The following KCNIP1 variants were observed in gnomAD, a reference collection of about 807,000 sequenced individuals.
The protein encoded by KCNIP1 is potassium voltage-gated channel interacting protein 1.
In KCNIP1, 18 loss-of-function variants were observed where a neutral mutation model predicts 33.0. The observed-to-expected ratio is 0.55, with a 90% CI of 0.38 to 0.81. The LOEUF (loss-of-function observed/expected upper bound fraction) is 0.81. Among genes scored for constraint, KCNIP1 ranks in the 30% least tolerant of loss-of-function variants. The probability of loss-of-function intolerance (pLI) is 0.00; values close to 1 mark genes in which losing one functional copy is unlikely to be tolerated. For missense variants in KCNIP1, 238 were observed against 271.6 expected (o/e 0.88, Z 0.87); for synonymous variants, 93 against 98.3 (o/e 0.95, Z 0.32).
At chr5:170,418,567 C>G (rs1755393973) in intron 1 of KCNIP1, among the ~76,000 whole-genome samples, 1 of 152,302 alleles carries the variant, frequency 6.6e-6, no homozygotes, top group Non-Finnish European at 1.5e-5. Context: ...TCTTAAAATA[C>G]AATTCAGATC....
intron 1 of KCNIP1, among the ~76,000 whole-genome samples, chr5:170,485,282 T>C (rs1020848608): frequency 3.9e-5 from 6 of 152,144 alleles, no homozygotes; most frequent in African/African-American, 1.4e-4. Context: ...TGGCCTGGCC[T>C]GGGCCTCTGG....
chr5:170,526,720 T>C (rs948098778), intron 1 of KCNIP1, among the ~76,000 whole-genome samples: 8 of 98,970 alleles, frequency 8.1e-5, no homozygotes, highest in Admixed American at 3.9e-4. Flanking sequence ...TCTGATTAGC[T>C]TTTTTTTTTT....
At chr5:170,392,040 A>T (rs1478921950) in intron 1 of KCNIP1, among the ~76,000 whole-genome samples, 1 of 152,162 alleles carries the variant, frequency 6.6e-6, no homozygotes, top group East Asian at 1.9e-4. Context: ...ACACAGCACG[A>T]TGTTCAAGGC....
intron 1 of KCNIP1, among the ~76,000 whole-genome samples, chr5:170,708,378 C>T (rs1326188977): frequency 6.6e-6 from 1 of 152,158 alleles, no homozygotes; most frequent in African/African-American, 2.4e-5. Context: ...TGAACCACTG[C>T]AAATACTAGG....
Position 170,479,172 on chromosome 5 carries a change from C to T in KCNIP1, c.88+125208C>T, listed in dbSNP as rs201743270. ...TGAGCAGGTAATGGTCTATGTTTTC[C>T]TAGACTATAAAATCCTGATTATATG... On this transcript the variant is annotated intron_variant, in intron 1 of 7. Coordinates refer to the KCNIP1 transcript ENST00000377360. 3.3e-5 allele frequency among the ~76,000 whole-genome samples: 5 copies of T among 152,150 alleles called. No homozygotes were observed. In the East Asian group the frequency reaches 9.6e-4, roughly 29 times the overall value.
At chr5:170,356,019 G>C (rs1375628368) in intron 1 of KCNIP1, among the ~76,000 whole-genome samples, 1 of 152,210 alleles carries the variant, frequency 6.6e-6, no homozygotes. Context: ...ACCCGATCCA[G>C]GTGTTTGCTA....
chr5:170,721,947 A>T, intron 4 of KCNIP1, 44 bp downstream of exon 4: 1 of 1,607,904 alleles, frequency 6.2e-7, no homozygotes, highest in African/African-American at 1.3e-5. Flanking sequence ...CTGGTTCTGC[A>T]TCACCTCCCC....
At chr5:170,384,563 G>A (rs766392963) in intron 1 of KCNIP1, among the ~76,000 whole-genome samples, 4 of 152,212 alleles carry the variant, frequency 2.6e-5, no homozygotes, top group Non-Finnish European at 5.9e-5. Context: ...AATCAGTTGT[G>A]CTTCAACTCC....
At chr5:170,491,852 C>T (rs1207087760) in intron 1 of KCNIP1, among the ~76,000 whole-genome samples, 6 of 152,202 alleles carry the variant, frequency 3.9e-5, no homozygotes, top group Non-Finnish European at 5.9e-5. Context: ...AAACAGACTT[C>T]GCCCCTCCGT....
At chr5:170,466,290 G>C (rs986804862) in intron 1 of KCNIP1, among the ~76,000 whole-genome samples, 1 of 152,206 alleles carries the variant, frequency 6.6e-6, no homozygotes, top group African/African-American at 2.4e-5. Context: ...GTGATTAGCA[G>C]GGGAGAGAGC....
intron 1 of KCNIP1, among the ~76,000 whole-genome samples, chr5:170,568,473 A>G (rs1189922453): frequency 6.6e-6 from 1 of 151,774 alleles, no homozygotes; most frequent in Non-Finnish European, 1.5e-5. Context: ...TGATGAGCTC[A>G]CCGCCTCCTG....
intron 1 of KCNIP1, among the ~76,000 whole-genome samples, chr5:170,433,945 C>A (rs899857788): frequency 2.0e-5 from 3 of 152,186 alleles, no homozygotes; most frequent in African/African-American, 7.2e-5. Flanking sequence ...TGCAGAGGGG[C>A]CTCCTGCTCA....
chr5:170,393,279 GTTTA>G (rs1186566331), intron 1 of KCNIP1, among the ~76,000 whole-genome samples: 2 of 152,174 alleles, frequency 1.3e-5, no homozygotes, highest in African/African-American at 4.8e-5. Context: ...GCACCTGCTT[GTTTA>G]TTTAAGTCTT....
At chr5:170,445,232 G>C (rs1301071381) in intron 1 of KCNIP1, among the ~76,000 whole-genome samples, 1 of 152,178 alleles carries the variant, frequency 6.6e-6, no homozygotes, top group East Asian at 1.9e-4. Flanking sequence ...CCCCGTTAAG[G>C]GGGCAGGGCC....
intron 1 of KCNIP1, among the ~76,000 whole-genome samples, chr5:170,607,477 G>A (rs1758971003): frequency 6.6e-6 from 1 of 152,190 alleles, no homozygotes; most frequent in Non-Finnish European, 1.5e-5. Flanking sequence ...ACCCTTAGAG[G>A]TGAGCAGTCT....
intron 1 of KCNIP1, among the ~76,000 whole-genome samples, chr5:170,459,629 T>C (rs563608782): frequency 6.6e-6 from 1 of 152,156 alleles, no homozygotes; most frequent in Non-Finnish European, 1.5e-5. Flanking sequence ...AATTTAAAAA[T>C]TATTCAAACT....
intron 1 of KCNIP1, among the ~76,000 whole-genome samples, chr5:170,428,800 G>T (rs1468587300): frequency 6.6e-6 from 1 of 152,062 alleles, no homozygotes; most frequent in Non-Finnish European, 1.5e-5. Context: ...TCAAAGCCTG[G>T]TTCTATGTCC....
At chr5:170,636,372 G>C (rs1373986249) in intron 1 of KCNIP1, among the ~76,000 whole-genome samples, 1 of 152,186 alleles carries the variant, frequency 6.6e-6, no homozygotes, top group African/African-American at 2.4e-5. Flanking sequence ...AGAAGGCAGA[G>C]GGTGGCGGGC....
intron 1 of KCNIP1, among the ~76,000 whole-genome samples, chr5:170,712,463 G>A (rs1002727261): frequency 1.3e-5 from 2 of 152,232 alleles, no homozygotes; most frequent in Admixed American, 1.3e-4. Context: ...GAAGCAGAGA[G>A]GGGGAATGGG....
Sources: gnomAD v4.1 joint callset for allele counts (sites outside exome capture counted in the v4.1 genomes callset) on GRCh38, gnomAD v4.1.1 for gene constraint, MANE v1.5 for transcripts, NCBI Gene and HGNC (gene_info 2026-07-23, HGNC 2026-07-21) for gene names.